The following ATXN7L2 variants were observed in gnomAD, a reference collection of about 807,000 sequenced individuals.
ATXN7L2 encodes ataxin-7-like protein 2.
ATXN7L2 carries 17 observed loss-of-function variants against 59.6 expected under a neutral mutation model. That is an observed-to-expected ratio of 0.29 (90% CI 0.20 to 0.43). The LOEUF is 0.43. Ranked by LOEUF, ATXN7L2 falls within the 20% of genes least tolerant of loss-of-function variation. The pLI, the probability that ATXN7L2 is intolerant of heterozygous loss-of-function variation, is 1.00. For synonymous variants in ATXN7L2, 378 were observed against 392.5 expected (o/e 0.96, Z 0.44); for missense variants, 858 against 1,008.9 (o/e 0.85, Z 2.03).
Position 109,491,061 on chromosome 1 carries a change from C to A in ATXN7L2, c.1594C>A (p.Pro532Thr), listed in dbSNP as rs1657016772. The stretch of plus-strand genomic sequence containing the variant: ...ACCTGCCTGCCCAGCCTCCATGCCC[C>A]CCACCAAGGACAACCTTGTCCCCAG... ...LRPACPASMP[P>T]TKDNLVPSYP... Residue 532 changes from proline to threonine, a missense_variant, in exon 10 of 11, where the codon CCC becomes ACC. Transcript: ENST00000683729. This position sits in a 1 kb window ranked among gnomAD's most constrained non-coding sequence, Gnocchi z 4.1. The A allele has an allele frequency of 6.2e-7, 1 of 1,613,632 alleles. No individual in the cohort carries two copies. The highest frequency in any genetic ancestry group is 1.3e-5 in the African/African-American group (1 of 74,928).
At position 109,486,753 on chromosome 1, in the gene ATXN7L2, T is replaced by C; in HGVS notation, c.298+143T>C. On this transcript the variant is annotated intron_variant, in intron 3 of 10. Transcript: ENST00000683729. This position sits in a 1 kb window ranked among gnomAD's most constrained non-coding sequence, Gnocchi z 4.3. ...AGGTTGTGGGGGTGGCTTCAGAGCA[T>C]TGTGGGGAGTCGGGTTATTGTTTGA... The C allele has an allele frequency of 1.3e-6, 1 of 777,626 alleles. No individual in the cohort carries two copies. Among genetic ancestry groups the C allele is most frequent in the Non-Finnish European group, 2.0e-6 (1 of 488,116 alleles). The allele number at this position is 777,626 out of a possible 1,614,324, so 48.2% of individuals were successfully genotyped here.
At chr1:109,485,998 A>G in intron 1 of ATXN7L2, 59 bp from the exon 2 acceptor site, 1 of 1,474,620 alleles carries the variant, frequency 6.8e-7, no homozygotes, top group South Asian at 1.5e-5. Context: ...TCTGGTAAGG[A>G]GAGGCTGGAG....
In ATXN7L2 at chr1:109,491,732, C is replaced by T; in HGVS notation, c.2250+15C>T. The T allele has an allele frequency of 6.4e-7, 1 of 1,570,160 alleles. No individual in the cohort carries two copies. Among genetic ancestry groups the T allele is most frequent in the South Asian group, 1.1e-5 (1 of 87,146 alleles). On this transcript the variant is annotated intron_variant, in intron 10 of 10. Coordinates refer to ENST00000683729, the MANE Select transcript of ATXN7L2 (RefSeq NM_001350175.2). This position sits in a 1 kb window ranked among gnomAD's most constrained non-coding sequence, Gnocchi z 4.1. ...CTACACTGAAGGTACCAGCCAGGCT[C>T]CCTGAAGATTGATGAGGGTGGGGCA...
intron 1 of ATXN7L2, 135 bp downstream of exon 1, chr1:109,484,215 C>G (rs373780424): frequency 3.1e-6 from 3 of 975,230 alleles, no homozygotes; most frequent in South Asian, 3.2e-5. Flanking sequence ...AAGGACCCGC[C>G]GGGTCCTAGT....
intron 10 of ATXN7L2, chr1:109,492,208 T>G: frequency 1.0e-5 from 8 of 769,848 alleles, no homozygotes; most frequent in Non-Finnish European, 1.3e-5. Flanking sequence ...CCTCCAGGTG[T>G]GCAGGTGACA....
chr1:109,490,380 C>A lies in ATXN7L2; in HGVS notation c.1442C>A (p.Thr481Lys), dbSNP rs1337740937. ...LSSMLERHLS[T>K]HMWKKIPPAA... ...TCCATGCTGGAACGGCACCTCAGCA[C>A]ACACATGTGGAAGTAAGTCTCTCGG... Residue 481 changes from threonine (T) to lysine (K), a missense_variant, in exon 9 of 11, where the codon ACA (threonine) becomes AAA (lysine). By Grantham distance (78) the Thr-to-Lys change is moderately conservative. Transcript: ENST00000683729. The A allele has an allele frequency of 6.2e-7, 1 of 1,613,234 alleles. No individual in the cohort carries two copies.
Position 109,492,705 on chromosome 1 carries a change from TA to T in ATXN7L2, c.*107del, listed in dbSNP as rs1207454874. 1 of 1,284,800 alleles carries T rather than the reference TA, an allele frequency of 7.8e-7. No homozygotes were observed. The highest frequency in any genetic ancestry group is 2.2e-5 in the Admixed American group (1 of 45,604). The allele number at this position is 1,284,800 out of a possible 1,614,324, so 79.6% of individuals were successfully genotyped here. A position where few individuals can be genotyped will look rare whatever the true frequency, so the allele number is the denominator to read the frequency against. On this transcript the variant is annotated 3_prime_UTR_variant, in exon 11 of 11. Transcript: ENST00000683729. Reference sequence around the variant, plus strand: ...TTTATAACTTTATATTATTTTTTTTTAAGAAAAAAAGCTCTTTAAAATACCT... The same window carrying T: ...TTTATAACTTTATATTATTTTTTTTTAGAAAAAAAGCTCTTTAAAATACCT...
chr1:109,485,735 C>A, intron 1 of ATXN7L2: 1 of 1,047,922 alleles, frequency 9.5e-7, no homozygotes, highest in Non-Finnish European at 1.1e-6. Flanking sequence ...CAGTGGAACC[C>A]TAAACTGCAC....
intron 1 of ATXN7L2, chr1:109,485,380 G>C (rs969060619): frequency 2.2e-5 from 22 of 985,512 alleles, no homozygotes; most frequent in Non-Finnish European, 2.7e-5. Flanking sequence ...CTAAGAAGGG[G>C]AGGGACTTGC....
At position 109,486,868 on chromosome 1, in the gene ATXN7L2, C is replaced by A; in HGVS notation, c.299-139C>A. The A allele has an allele frequency of 1.1e-6, 1 of 888,268 alleles. No individual in the cohort carries two copies. Among genetic ancestry groups the A allele is most frequent in the African/African-American group, 1.7e-5 (1 of 58,676 alleles). The allele number at this position is 888,268 out of a possible 1,614,324, so 55.0% of individuals were successfully genotyped here. A position where few individuals can be genotyped will look rare whatever the true frequency, so the allele number is the denominator to read the frequency against. Reference sequence around the variant, plus strand: ...ATTTTGAGTCCTAAAGGCTCAGATTCAAATGGGAAGGAGGCATGTTTACAA... The same window carrying A: ...ATTTTGAGTCCTAAAGGCTCAGATTAAAATGGGAAGGAGGCATGTTTACAA... On this transcript the variant is annotated intron_variant, in intron 3 of 10. Transcript: ENST00000683729. This position sits in a 1 kb window ranked among gnomAD's most constrained non-coding sequence, Gnocchi z 4.3.
rs1306176730 is a variant in ATXN7L2 at position 109,486,298 on chromosome 1, A to G, written c.193+176A>G. On this transcript the variant is annotated intron_variant, in intron 2 of 10. Transcript: ENST00000683729. The surrounding 1 kb of genome is among the most constrained non-coding windows in gnomAD (Gnocchi z 4.3). ...CTGTGACCTGTCGTTGGAGATCATAATCATAGGTGATTGCCCACTCACCTG... is the reference window on the plus strand; with the variant it reads ...CTGTGACCTGTCGTTGGAGATCATAGTCATAGGTGATTGCCCACTCACCTG... 8.3e-6 allele frequency: 9 copies of G among 1,083,592 alleles called. No homozygotes were observed. Among genetic ancestry groups the G allele is most frequent in the Non-Finnish European group, 1.2e-5 (9 of 778,822 alleles). The allele number at this position is 1,083,592 out of a possible 1,614,324, so 67.1% of individuals were successfully genotyped here. A position where few individuals can be genotyped will look rare whatever the true frequency, so the allele number is the denominator to read the frequency against.
intron 10 of ATXN7L2, among the ~76,000 whole-genome samples, 192 bp from the exon 11 acceptor site, chr1:109,492,394 G>A (rs1354409778): frequency 3.3e-5 from 5 of 152,166 alleles, no homozygotes; most frequent in Admixed American, 3.3e-4. Context: ...CATAAACCCT[G>A]TGTGTTCTCC....
rs1008455370 is a variant in ATXN7L2 at position 109,488,051 on chromosome 1, C to G, written c.796+247C>G. On this transcript the variant is annotated intron_variant, in intron 5 of 10. Coordinates refer to ENST00000683729, the MANE Select transcript of ATXN7L2 (RefSeq NM_001350175.2). This position sits in a 1 kb window ranked among gnomAD's most constrained non-coding sequence, Gnocchi z 5.0. ...GAAGTTCTTTCTCACTCTTTTCTCA[C>G]CTAGATCCAGGGCGCCAGCCAGACA... is the stretch of plus-strand genomic sequence containing the variant. Among the ~76,000 whole-genome samples the G allele has an allele frequency of 1.3e-5, 2 of 152,220 alleles. No individual in the cohort carries two copies. The highest frequency in any genetic ancestry group is 2.9e-5 in the Non-Finnish European group (2 of 68,038).
chr1:109,486,976 C>T lies in ATXN7L2; in HGVS notation c.299-31C>T. 1.3e-6 allele frequency: 2 copies of T among 1,538,564 alleles called. No homozygotes were observed. Among genetic ancestry groups the T allele is most frequent in the Non-Finnish European group, 8.8e-7 (1 of 1,140,546 alleles). The stretch of plus-strand genomic sequence containing the variant: ...GGAAGGAAGTGGTGATACCACTCAC[C>T]TTGATTATTCTTTCCACCTCCTGGT... On this transcript the variant is annotated intron_variant, in intron 3 of 10. Coordinates refer to ENST00000683729, the MANE Select transcript of ATXN7L2 (RefSeq NM_001350175.2). The surrounding 1 kb of genome is among the most constrained non-coding windows in gnomAD (Gnocchi z 4.3).
chr1:109,485,817 C>T, intron 1 of ATXN7L2: 1 of 1,181,312 alleles, frequency 8.5e-7, no homozygotes, highest in Non-Finnish European at 1.0e-6. Flanking sequence ...CCAGATGCAG[C>T]AGGTGAAGGA....
rs1003514979 is a variant in ATXN7L2 at position 109,490,214 on chromosome 1, A to C, written c.1333-57A>C. The C allele has an allele frequency of 1.1e-5, 17 of 1,598,506 alleles. No homozygotes were observed. The East Asian group carries it at 3.4e-4, about 32-fold the overall frequency. On this transcript the variant is annotated intron_variant, in intron 8 of 10. Coordinates refer to ENST00000683729, the MANE Select transcript of ATXN7L2 (RefSeq NM_001350175.2). The stretch of plus-strand genomic sequence containing the variant: ...GGGGAGGAGGCCAGATCCTGTGTGC[A>C]GATGCTGTCTGTGCACCCCAGACCC...
chr1:109,486,702 A>C lies in ATXN7L2; in HGVS notation c.298+92A>C. 9.0e-7 allele frequency: 1 copy of C among 1,111,262 alleles called. No homozygotes were observed. Among genetic ancestry groups the C allele is most frequent in the South Asian group, 1.4e-5 (1 of 71,486 alleles). The allele number at this position is 1,111,262 out of a possible 1,614,324, so 68.8% of individuals were successfully genotyped here. On this transcript the variant is annotated intron_variant, in intron 3 of 10. Coordinates refer to ENST00000683729, the MANE Select transcript of ATXN7L2 (RefSeq NM_001350175.2). The surrounding 1 kb of genome is among the most constrained non-coding windows in gnomAD (Gnocchi z 4.3). ...GGTCAGTTGGGAGGTCTCGTAGGGTAATGGAGGGTGGTGTTGAGGATAGGA... is the reference window on the plus strand; with the variant it reads ...GGTCAGTTGGGAGGTCTCGTAGGGTCATGGAGGGTGGTGTTGAGGATAGGA...
intron 7 of ATXN7L2, 67 bp from the exon 8 acceptor site, chr1:109,489,863 T>C: frequency 6.4e-7 from 1 of 1,574,076 alleles, no homozygotes; most frequent in Non-Finnish European, 8.7e-7. Flanking sequence ...CTCGGCAGGT[T>C]CAAGGATGCC....
In ATXN7L2 at chr1:109,491,683, C is replaced by A; in HGVS notation, c.2216C>A (p.Ala739Asp). The change falls in exon 10 of 11, where the codon GCC becomes GAC. Residue 739 changes from alanine (A) to aspartate (D), a missense_variant. Around this residue, in one of 3 missense-constraint regions of ATXN7L2, gnomAD observed 734 missense variants for 862.3 expected, o/e 0.85. Coordinates refer to ENST00000683729, the MANE Select transcript of ATXN7L2 (RefSeq NM_001350175.2). This position sits in a 1 kb window ranked among gnomAD's most constrained non-coding sequence, Gnocchi z 4.1. ...GTGCGCCGCAAGAAGCCAGGCCCGG[C>A]CCTGGCCTTTGAGGAGAAGTGCTCT... ...CSVRRKKPGP[A>D]LAFEEKCSTL... 6.2e-7 allele frequency: 1 copy of A among 1,607,948 alleles called. No homozygotes were observed. The highest frequency in any genetic ancestry group is 8.5e-7 in the Non-Finnish European group (1 of 1,176,710).
Sources: allele counts gnomAD v4.1 joint callset (sites outside exome capture counted in the v4.1 genomes callset), GRCh38; gene constraint gnomAD v4.1.1; regional missense constraint gnomAD v4.1.1; non-coding constraint Gnocchi (gnomAD v3.1); transcripts MANE v1.5; gene names NCBI Gene and HGNC (gene_info 2026-07-23, HGNC 2026-07-21).